The following DNAH7 variants were observed in gnomAD, a reference collection of about 807,000 sequenced individuals.
The protein encoded by DNAH7 is axonemal beta dynein heavy chain 7.
DNAH7 carries 397 observed loss-of-function variants against 444.6 expected under a neutral mutation model. The observed-to-expected ratio is 0.89, with a 90% CI of 0.82 to 0.97. The LOEUF (loss-of-function observed/expected upper bound fraction) is 0.97, where lower values mean the gene tolerates loss of function less well. Among genes scored for constraint, DNAH7 ranks in the 50% least tolerant of loss-of-function variants. The probability of loss-of-function intolerance (pLI) is 0.00; values close to 1 mark genes in which losing one functional copy is unlikely to be tolerated. For missense variants in DNAH7, 4,902 were observed against 4,800.8 expected (o/e 1.02, Z -0.62); for synonymous variants, 1,636 against 1,624.4 (o/e 1.01, Z -0.17).
At chr2:195,995,886 A>G (rs1020726731) in intron 12 of DNAH7, among the ~76,000 whole-genome samples, 1 of 152,058 alleles carries the variant, frequency 6.6e-6, no homozygotes, top group African/African-American at 2.4e-5. Flanking sequence ...GTCTTTTGTG[A>G]TTTCATATGA....
At chr2:195,740,946 A>G in intron 63 of DNAH7, 77 bp from the exon 64 acceptor site, 5 of 800,616 alleles carry the variant, frequency 6.2e-6, no homozygotes, top group Non-Finnish European at 9.1e-6. Flanking sequence ...AAATTTCTAC[A>G]TGTAAGTACT....
chr2:196,048,249 C>G lies in DNAH7; in HGVS notation c.250+47G>C, dbSNP rs771307308. ...ATTAACTAAATATTGTCTGGTCTCT[C>G]TCTACAAATTATCCTTAAATCTAAT... On this transcript the variant is annotated intron_variant, in intron 4 of 64. Transcript: ENST00000312428. The G allele has an allele frequency of 1.0e-5, 15 of 1,484,700 alleles. No individual in the cohort carries two copies. In the South Asian group the frequency reaches 1.7e-4, roughly 17 times the overall value. The allele number at this position is 1,484,700 out of a possible 1,614,324, so 92.0% of individuals were successfully genotyped here.
At chr2:195,951,487 A>G (rs1014237163) in intron 19 of DNAH7, among the ~76,000 whole-genome samples, 12 of 152,170 alleles carry the variant, frequency 7.9e-5, no homozygotes, top group African/African-American at 2.9e-4. Flanking sequence ...TGAAGTCCTG[A>G]ATATCCTTGT....
chr2:196,015,233 G>C (rs1694944566), intron 9 of DNAH7, among the ~76,000 whole-genome samples: 3 of 152,084 alleles, frequency 2.0e-5, no homozygotes, highest in Admixed American at 1.3e-4. Context: ...CAGTTTCTCA[G>C]TATAGTTTTA....
At chr2:196,064,329 AAATAAATAAATAAATAAATAATAAAT>A (rs1464667369) in intron 1 of DNAH7, among the ~76,000 whole-genome samples, 1 of 27,036 alleles carries the variant, frequency 3.7e-5, no homozygotes, top group East Asian at 9.3e-4. Flanking sequence ...ATAAATAAAT[AAATAAATAAATAAATAAATAATAAAT>A]AATAAATAAA....
Position 195,837,864 on chromosome 2 carries a change from T to G in DNAH7, c.8946-3504A>C, listed in dbSNP as rs17589115. 0.019 allele frequency among the ~76,000 whole-genome samples: 2,965 copies of G among 152,222 alleles called. 247 individuals carry two copies. The East Asian group carries it at 0.27, about 14-fold the overall frequency. ...GTATTTTTCTTTTTTCTTACCACTT[T>G]GCCCCCAGTGTTGGCATGAAATTGT... On this transcript the variant is annotated intron_variant, in intron 47 of 64. Coordinates refer to ENST00000312428, the MANE Select transcript of DNAH7 (RefSeq NM_018897.3).
At chr2:195,765,027 A>AT (rs1285276988) in intron 61 of DNAH7, among the ~76,000 whole-genome samples, 1 of 152,206 alleles carries the variant, frequency 6.6e-6, no homozygotes, top group Non-Finnish European at 1.5e-5. Context: ...TGGTACTGGC[A>AT]TAAAAACAGA....
intron 47 of DNAH7, among the ~76,000 whole-genome samples, chr2:195,843,491 T>A (rs979510834): frequency 6.6e-6 from 1 of 152,206 alleles, no homozygotes; most frequent in African/African-American, 2.4e-5. Flanking sequence ...ACAGTTTACT[T>A]GGTTAAAAAA....
intron 5 of DNAH7, among the ~76,000 whole-genome samples, chr2:196,044,130 T>G (rs573532195): frequency 6.6e-6 from 1 of 151,640 alleles, no homozygotes; most frequent in Non-Finnish European, 1.5e-5. Context: ...AAATTCACAA[T>G]TGTAAAAATA....
intron 61 of DNAH7, among the ~76,000 whole-genome samples, chr2:195,765,200 ACCCCCATCTTG>A (rs1229371080): frequency 6.6e-6 from 1 of 152,086 alleles, no homozygotes; most frequent in East Asian, 1.9e-4. Context: ...GTGAAACCAG[ACCCCCATCTTG>A]CCATATTAAA....
At chr2:195,761,617 C>T (rs1694355090) in intron 61 of DNAH7, among the ~76,000 whole-genome samples, 1 of 152,142 alleles carries the variant, frequency 6.6e-6, no homozygotes, top group Admixed American at 6.6e-5. Flanking sequence ...CAATGGAGTT[C>T]CAATATGTCT....
At chr2:196,023,345 T>G (rs1695492523) in intron 8 of DNAH7, among the ~76,000 whole-genome samples, 1 of 152,204 alleles carries the variant, frequency 6.6e-6, no homozygotes, top group Admixed American at 6.5e-5. Context: ...TGAGCAACTG[T>G]GAGCCAACTA....
At position 195,864,249 on chromosome 2, in the gene DNAH7, A is replaced by G. The variant is rs759855283; in HGVS notation, c.7406T>C (p.Leu2469Pro). ...GGGACTCATGGCAAGGACCACATGC[A>G]GTTGGCTGCGGCAATGATCAATAAA... ...NMFIDHCRSQ[L>P]HVVLAMSPIG... The change falls in exon 41 of 65, where the codon CTG becomes CCG. Residue 2469 changes from leucine (L) to proline (P), a missense_variant. Transcript: ENST00000312428. 1.2e-5 allele frequency: 19 copies of G among 1,614,096 alleles called. No individual in the cohort carries two copies. The Admixed American group carries it at 1.7e-4, about 14-fold the overall frequency.
chr2:195,794,108 C>T (rs1427254581), intron 57 of DNAH7, among the ~76,000 whole-genome samples: 2 of 152,170 alleles, frequency 1.3e-5, no homozygotes, highest in African/African-American at 4.8e-5. Context: ...TTATTAATGA[C>T]ACCCCATAAG....
chr2:195,785,165 C>A (rs1448501966), intron 58 of DNAH7, among the ~76,000 whole-genome samples: 1 of 152,196 alleles, frequency 6.6e-6, no homozygotes, highest in Non-Finnish European at 1.5e-5. Flanking sequence ...CCTGCCTTGG[C>A]CTCCCAAAGT....
chr2:195,812,351 T>C (rs182619662), intron 51 of DNAH7, among the ~76,000 whole-genome samples: 313 of 152,294 alleles, frequency 2.1e-3, no homozygotes, highest in African/African-American at 6.9e-3. Context: ...GGGTTGATTT[T>C]CTATGGGCGG....
At chr2:195,868,083 A>G (rs994790503) in intron 40 of DNAH7, among the ~76,000 whole-genome samples, 2 of 131,074 alleles carry the variant, frequency 1.5e-5, no homozygotes, top group African/African-American at 5.7e-5. Context: ...CTGTTCTATT[A>G]TTCATCTTTT....
intron 5 of DNAH7, among the ~76,000 whole-genome samples, chr2:196,032,317 G>A (rs2220520): frequency 0.48 from 72,560 of 151,928 alleles, 20,152 homozygotes; most frequent in South Asian, 0.63. Flanking sequence ...AGATTTGGGT[G>A]GGGACACAGA....
chr2:195,821,172 AAAG>A (rs201086071), intron 49 of DNAH7, among the ~76,000 whole-genome samples: 22 of 152,062 alleles, frequency 1.4e-4, no homozygotes, highest in East Asian at 3.9e-4. Flanking sequence ...AAAAAAAAAA[AAAG>A]AAGAAGAAGA....
Sources: allele counts gnomAD v4.1 joint callset (sites outside exome capture counted in the v4.1 genomes callset), GRCh38; gene constraint gnomAD v4.1.1; transcripts MANE v1.5; gene names NCBI Gene and HGNC (gene_info 2026-07-23, HGNC 2026-07-21).